PDZD2: variants seen among roughly 807,000 people sequenced by gnomAD.
The protein encoded by PDZD2 is PDZ domain containing 2, also known as PDZ domain-containing protein 2.
PDZD2 carries 90 observed loss-of-function variants against 220.7 expected under a neutral mutation model. The ratio of observed to expected loss-of-function variants is 0.41; its 90% CI spans 0.34 to 0.49. PDZD2 has a LOEUF of 0.49. PDZD2 is among the 20% of genes least tolerant of loss of function. The pLI is 0.28. For missense variants in PDZD2, 3,174 were observed against 3,608.5 expected (o/e 0.88, Z 3.08); for synonymous variants, 1,375 against 1,450.5 (o/e 0.95, Z 1.18).
intron 1 of PDZD2, among the ~76,000 whole-genome samples, chr5:31,714,940 T>A (rs1748347785): frequency 6.6e-6 from 1 of 151,684 alleles, no homozygotes; most frequent in South Asian, 2.1e-4. Flanking sequence ...GCGCCTGTAG[T>A]CTCAGCTACT....
At chr5:31,654,920 G>T (rs941337064) in intron 1 of PDZD2, among the ~76,000 whole-genome samples, 3 of 152,018 alleles carry the variant, frequency 2.0e-5, no homozygotes, top group African/African-American at 7.2e-5. Context: ...CCAGACCCTT[G>T]GTGGGTTCTC....
chr5:32,014,990 G>A (rs1004931736), intron 6 of PDZD2, among the ~76,000 whole-genome samples: 3 of 143,970 alleles, frequency 2.1e-5, no homozygotes, highest in Non-Finnish European at 3.0e-5. Context: ...CGCCCAGGCT[G>A]GAGTGTAGTG....
At chr5:31,649,719 G>A (rs1745273405) in intron 1 of PDZD2, among the ~76,000 whole-genome samples, 1 of 151,952 alleles carries the variant, frequency 6.6e-6, no homozygotes, top group Non-Finnish European at 1.5e-5. Flanking sequence ...CAGATCACGA[G>A]GTCAGGAGTC....
rs761265908 is a variant in PDZD2, at chr5:32,059,374, TAGTGTA to T, written c.2318+21_2318+26del. 1.6e-6 allele frequency: 2 copies of T among 1,257,472 alleles called. No individual in the cohort carries two copies. The highest frequency in any genetic ancestry group is 2.4e-5 in the South Asian group (2 of 83,986). 77.9% of individuals were successfully genotyped at this position (1,257,472 alleles called of 1,614,324 possible). On this transcript the variant is annotated intron_variant, in intron 13 of 24. Coordinates refer to ENST00000438447, the MANE Select transcript of PDZD2 (RefSeq NM_178140.4). ...AACCTGAGGTTTGTTGTTTGCCTGA[TAGTGTA>T]AGGTTCTGGAGTGTTCATAAATATG...
intron 4 of PDZD2, among the ~76,000 whole-genome samples, chr5:31,998,571 G>A (rs915634701): frequency 5.3e-5 from 8 of 152,202 alleles, no homozygotes; most frequent in East Asian, 1.9e-4. Context: ...GCTTCTGGGC[G>A]TGTCGGAGGC....
chr5:32,091,279 CTTTTTTTT>C (rs57254389), intron 20 of PDZD2, 104 bp downstream of exon 20: 5 of 261,978 alleles, frequency 1.9e-5, no homozygotes, highest in Admixed American at 6.7e-5. Flanking sequence ...TTCCCACTTA[CTTTTTTTT>C]TTTTTTTTTT....
At chr5:31,829,914 G>C (rs763918268) in intron 2 of PDZD2, among the ~76,000 whole-genome samples, 1 of 151,886 alleles carries the variant, frequency 6.6e-6, no homozygotes. Context: ...CGAGTGTGGT[G>C]GTAGGTGCCT....
At chr5:31,923,780 G>T (rs1744502896) in intron 2 of PDZD2, among the ~76,000 whole-genome samples, 1 of 152,146 alleles carries the variant, frequency 6.6e-6, no homozygotes, top group Admixed American at 6.5e-5. Context: ...AGTGGCATGG[G>T]GTATTTGTTG....
At chr5:31,709,604 C>T (rs1400029921) in intron 1 of PDZD2, among the ~76,000 whole-genome samples, 1 of 152,190 alleles carries the variant, frequency 6.6e-6, no homozygotes, top group Non-Finnish European at 1.5e-5. Context: ...AGCACCTCCC[C>T]CGACAACTCT....
chr5:31,658,247 G>A (rs60187517), intron 1 of PDZD2, among the ~76,000 whole-genome samples: 9,895 of 152,030 alleles, frequency 0.065, 485 homozygotes, highest in African/African-American at 0.13. Context: ...TGACCTCCCT[G>A]TCTCCTCCCT....
chr5:31,770,759 A>G (rs1752293235), intron 1 of PDZD2, among the ~76,000 whole-genome samples: 1 of 152,096 alleles, frequency 6.6e-6, no homozygotes, highest in Non-Finnish European at 1.5e-5. Flanking sequence ...TTTATGTGCA[A>G]AGCACCAAAC....
intron 2 of PDZD2, among the ~76,000 whole-genome samples, chr5:31,812,550 T>A (rs1755185932): frequency 6.6e-6 from 1 of 152,106 alleles, no homozygotes; most frequent in Non-Finnish European, 1.5e-5. Context: ...GCAATCCACC[T>A]ATCTCAGCCT....
intron 21 of PDZD2, among the ~76,000 whole-genome samples, chr5:32,096,860 AG>A (rs1743761836): frequency 8.1e-6 from 1 of 123,480 alleles, no homozygotes; most frequent in Non-Finnish European, 1.7e-5. Flanking sequence ...TTTTGAGACA[AG>A]GTCTCACTCT....
intron 2 of PDZD2, among the ~76,000 whole-genome samples, chr5:31,812,832 C>T (rs1413216937): frequency 6.6e-6 from 1 of 152,170 alleles, no homozygotes; most frequent in Non-Finnish European, 1.5e-5. Flanking sequence ...CCTCCTATCC[C>T]AGCCTCCCGA....
intron 2 of PDZD2, among the ~76,000 whole-genome samples, chr5:31,891,804 T>G (rs1741070628): frequency 6.6e-6 from 1 of 152,238 alleles, no homozygotes; most frequent in African/African-American, 2.4e-5. Flanking sequence ...CATGCCAGTG[T>G]GCTCAGTGGA....
At position 32,087,205 on chromosome 5, in the gene PDZD2, T is replaced by C. The variant is rs532738042; in HGVS notation, c.3757T>C (p.Ser1253Pro). 408 of 1,613,768 alleles carry C rather than the reference T, an allele frequency of 2.5e-4. No homozygotes were observed. Among genetic ancestry groups the C allele is most frequent in the Non-Finnish European group, 3.3e-4 (394 of 1,179,882 alleles). ...GAAHPDPSKTSVDTGQVSRPE... is the reference protein window; with the variant it reads ...GAAHPDPSKTPVDTGQVSRPE... ...CGCTCATCCTGACCCCAGCAAGACC[T>C]CTGTAGACACAGGGCAAGTCAGTCG... is the stretch of plus-strand genomic sequence containing the variant. The change falls in exon 20 of 25, where the codon TCT (serine) becomes CCT (proline). Residue 1253 changes from serine (S) to proline (P), a missense_variant. By Grantham distance (74) the Ser-to-Pro change is moderately conservative. This residue lies in a region of PDZD2 where 1,861 missense variants were observed against 2,001.0 expected (regional missense o/e 0.93). Transcript: ENST00000438447. This position sits in a 1 kb window ranked among gnomAD's most constrained non-coding sequence, Gnocchi z 4.0.
chr5:31,708,969 C>G (rs1312414478), intron 1 of PDZD2, among the ~76,000 whole-genome samples: 2 of 148,530 alleles, frequency 1.3e-5, no homozygotes, highest in Non-Finnish European at 3.0e-5. Context: ...CTCACTGCAA[C>G]CTCCGCCTCC....
rs932842166 is a variant in PDZD2, at chr5:31,962,461, TAGG to T, written c.477-20689_477-20687del. Reference sequence around the variant, plus strand: ...TCTCAGAGGGCGGCAACGAGTCTCTTAGGAGGAAATGTCTGCAGAGAGTCAGGG... The same window carrying T: ...TCTCAGAGGGCGGCAACGAGTCTCTTAGGAAATGTCTGCAGAGAGTCAGGG... On this transcript the variant is annotated intron_variant, in intron 2 of 24. Coordinates refer to ENST00000438447, the MANE Select transcript of PDZD2 (RefSeq NM_178140.4). Among the ~76,000 whole-genome samples the T allele has an allele frequency of 4.8e-5, 7 of 146,648 alleles. No homozygotes were observed. The Admixed American group carries it at 4.8e-4, about 10-fold the overall frequency.
intron 5 of PDZD2, among the ~76,000 whole-genome samples, chr5:32,006,558 G>A (rs1318497196): frequency 6.6e-6 from 1 of 151,172 alleles, no homozygotes; most frequent in African/African-American, 2.4e-5. Context: ...ACAATTTTTT[G>A]TAGAGGCAAT....
Sources: gnomAD v4.1 joint callset for allele counts (sites outside exome capture counted in the v4.1 genomes callset) on GRCh38, gnomAD v4.1.1 for gene constraint, gnomAD v4.1.1 regional missense constraint, Gnocchi (gnomAD v3.1) non-coding constraint, MANE v1.5 for transcripts, NCBI Gene and HGNC (gene_info 2026-07-23, HGNC 2026-07-21) for gene names.